Variants in COL11A1 observed in about 807,000 individuals in gnomAD.
The protein encoded by COL11A1 is collagen type XI alpha 1 chain, also known as collagen alpha-1(XI) chain.
Under a neutral mutation model 265.2 loss-of-function variants are expected in COL11A1, and 74 were observed. That is an observed-to-expected ratio of 0.28 (90% CI 0.23 to 0.34). The LOEUF is 0.34. Among genes scored for constraint, COL11A1 ranks in the 10% least tolerant of loss-of-function variants. The probability of loss-of-function intolerance (pLI) is 1.00; values close to 1 mark genes in which losing one functional copy is unlikely to be tolerated. For missense variants in COL11A1, 2,165 were observed against 2,263.6 expected (o/e 0.96, Z 0.88); for synonymous variants, 816 against 727.6 (o/e 1.12, Z -1.96).
At chr1:103,078,320 A>C (rs1379440945) in intron 3 of COL11A1, among the ~76,000 whole-genome samples, 1 of 152,036 alleles carries the variant, frequency 6.6e-6, no homozygotes, top group East Asian at 1.9e-4. Context: ...CATGGCATGC[A>C]CTTTACCTTC....
At chr1:102,992,839 C>A (rs12724152) in intron 28 of COL11A1, among the ~76,000 whole-genome samples, 3,310 of 152,102 alleles carry the variant, frequency 0.022, 59 homozygotes, top group Middle Eastern at 0.092. Flanking sequence ...GAATAATAAC[C>A]CAGAACTTTT....
intron 46 of COL11A1, among the ~76,000 whole-genome samples, chr1:102,932,000 T>A (rs1271832300): frequency 6.6e-6 from 1 of 150,488 alleles, no homozygotes; most frequent in Admixed American, 6.6e-5. Flanking sequence ...GCACGTGAGA[T>A]GGGTTTCCTG....
intron 28 of COL11A1, 33 bp from the exon 29 acceptor site, chr1:102,989,604 TTA>T: frequency 6.7e-7 from 1 of 1,493,400 alleles, no homozygotes; most frequent in Non-Finnish European, 9.3e-7. Context: ...AAATAGGAGT[TTA>T]ATCAGTCCTT....
At position 103,001,750 on chromosome 1, in the gene COL11A1, G is replaced by T. The variant is rs1295787007; in HGVS notation, c.2142+175C>A. The T allele has an allele frequency of 6.2e-6, 4 of 640,674 alleles. No individual in the cohort carries two copies. The East Asian group carries it at 8.2e-5, about 13-fold the overall frequency. 39.7% of individuals were successfully genotyped at this position (640,674 alleles called of 1,614,324 possible). ...TGAAGTTTTATCATTCTCAGTTTAA[G>T]AACACATGAATGAAATCTCCCCACA... is the stretch of plus-strand genomic sequence containing the variant. On this transcript the variant is annotated intron_variant, in intron 24 of 66. Transcript: ENST00000370096.
intron 24 of COL11A1, among the ~76,000 whole-genome samples, chr1:103,000,011 T>C (rs573779605): frequency 8.6e-5 from 13 of 151,974 alleles, no homozygotes; most frequent in Admixed American, 4.6e-4. Context: ...AGAAGCAGTA[T>C]TACATAAAAC....
At chr1:102,957,017 AC>A (rs1275761421) in intron 41 of COL11A1, among the ~76,000 whole-genome samples, 1 of 151,934 alleles carries the variant, frequency 6.6e-6, no homozygotes, top group Non-Finnish European at 1.5e-5. Flanking sequence ...CATAAAGATG[AC>A]CCTGTATAAA....
chr1:103,039,535 G>A lies in COL11A1; in HGVS notation c.652-8291C>T, dbSNP rs565310236. Among the ~76,000 whole-genome samples, 7 of 150,342 alleles carry A rather than the reference G, an allele frequency of 4.7e-5. No individual in the cohort carries two copies. The East Asian group carries it at 1.2e-3, about 27-fold the overall frequency. ...AAGACACAAACACACACAGAGGAAA[G>A]ACCATGTAAAGACACAGGGAGAAGA... On this transcript the variant is annotated intron_variant, in intron 4 of 66. Transcript: ENST00000370096.
rs143996944 is a variant in COL11A1 at position 103,076,317 on chromosome 1, T to C, written c.489-1537A>G. 2.4e-3 allele frequency among the ~76,000 whole-genome samples: 371 copies of C among 152,256 alleles called. 10 individuals carry two copies. The East Asian group carries it at 0.037, about 15-fold the overall frequency. ...CTGCCATCTCTCACAGCTAGACTCC[T>C]AACTGGCCTCTGCTTCTACTCTTAT... On this transcript the variant is annotated intron_variant, in intron 3 of 66. Transcript: ENST00000370096.
rs758521780 is a variant in COL11A1 at position 103,006,218 on chromosome 1, T to A, written c.1737+44A>T. ...ATAAATAAATAAATAAAACTAATGA[T>A]CATGGCAGATGCCTTCAAAATGCAC... On this transcript the variant is annotated intron_variant, in intron 16 of 66. Coordinates refer to ENST00000370096, the MANE Select transcript of COL11A1 (RefSeq NM_001854.4). 5 of 1,430,052 alleles carry A rather than the reference T, an allele frequency of 3.5e-6. No homozygotes were observed. In the African/African-American group the frequency reaches 4.3e-5, roughly 12 times the overall value. 88.6% of individuals were successfully genotyped at this position (1,430,052 alleles called of 1,614,324 possible).
intron 4 of COL11A1, among the ~76,000 whole-genome samples, chr1:103,061,934 T>A (rs1421413331): frequency 6.6e-6 from 1 of 151,996 alleles, no homozygotes; most frequent in Non-Finnish European, 1.5e-5. Context: ...ATAAAATTTA[T>A]AAGCCTCTAG....
chr1:102,949,528 G>A (rs368705229), intron 41 of COL11A1, among the ~76,000 whole-genome samples: 12 of 152,232 alleles, frequency 7.9e-5, no homozygotes, highest in South Asian at 6.2e-4. Flanking sequence ...GAAAAAGGGA[G>A]AATCAACAAA....
intron 30 of COL11A1, among the ~76,000 whole-genome samples, chr1:102,985,228 A>T (rs947516581): frequency 6.6e-6 from 1 of 152,100 alleles, no homozygotes; most frequent in African/African-American, 2.4e-5. Flanking sequence ...AACAAACACA[A>T]GTTCAAATTT....
intron 46 of COL11A1, among the ~76,000 whole-genome samples, chr1:102,928,424 A>G (rs1191409264): frequency 6.6e-6 from 1 of 152,012 alleles, no homozygotes; most frequent in African/African-American, 2.4e-5. Context: ...TACAAAGGAC[A>G]TGAACTCATC....
intron 63 of COL11A1, among the ~76,000 whole-genome samples, chr1:102,886,118 A>T (rs1388780711): frequency 6.6e-6 from 1 of 152,188 alleles, no homozygotes. Context: ...AAATCAGATG[A>T]AGATCTGCCC....
At chr1:102,939,655 G>T (rs1658514772) in intron 43 of COL11A1, among the ~76,000 whole-genome samples, 1 of 151,718 alleles carries the variant, frequency 6.6e-6, no homozygotes, top group African/African-American at 2.4e-5. Context: ...AGTGAGCCCT[G>T]TTGCACCACT....
intron 41 of COL11A1, among the ~76,000 whole-genome samples, chr1:102,947,662 T>A (rs1358975325): frequency 6.6e-6 from 1 of 151,998 alleles, no homozygotes; most frequent in Non-Finnish European, 1.5e-5. Context: ...AGTTTGCTTT[T>A]TTAAAAAACC....
chr1:103,008,251 C>T (rs918479303), intron 15 of COL11A1, among the ~76,000 whole-genome samples: 4 of 152,032 alleles, frequency 2.6e-5, no homozygotes, highest in African/African-American at 9.7e-5. Context: ...GCAAAGTTAA[C>T]CCAACATAAA....
intron 54 of COL11A1, among the ~76,000 whole-genome samples, chr1:102,900,975 A>G (rs1431634193): frequency 1.3e-5 from 2 of 152,142 alleles, no homozygotes; most frequent in Non-Finnish European, 2.9e-5. Flanking sequence ...GGGACCTAAT[A>G]GAAGGTGTTA....
intron 56 of COL11A1, 104 bp downstream of exon 56, chr1:102,898,562 G>A (rs367550211): frequency 7.1e-4 from 592 of 830,466 alleles, no homozygotes; most frequent in East Asian, 5.9e-3. Flanking sequence ...AATTATCCAC[G>A]TTATAACTTA....
Sources: gnomAD v4.1 joint callset for allele counts (sites outside exome capture counted in the v4.1 genomes callset) on GRCh38, gnomAD v4.1.1 for gene constraint, MANE v1.5 for transcripts, NCBI Gene and HGNC (gene_info 2026-07-23, HGNC 2026-07-21) for gene names.